The following ZCCHC24 variants were observed in gnomAD, a reference collection of about 807,000 sequenced individuals.
ZCCHC24 encodes the protein zinc finger CCHC domain-containing protein 24.
ZCCHC24 carries 10 observed loss-of-function variants against 26.2 expected under a neutral mutation model. The ratio of observed to expected loss-of-function variants is 0.38; its 90% CI spans 0.24 to 0.65. The LOEUF is 0.65. Ranked by LOEUF, ZCCHC24 falls within the 30% of genes least tolerant of loss-of-function variation. The pLI is 0.54. For synonymous variants in ZCCHC24, 144 were observed against 147.1 expected (o/e 0.98, Z 0.15); for missense variants, 243 against 329.1 (o/e 0.74, Z 2.03).
At chr10:79,400,805 T>C (rs1312495001) in intron 2 of ZCCHC24, among the ~76,000 whole-genome samples, 4 of 152,302 alleles carry the variant, frequency 2.6e-5, no homozygotes, top group South Asian at 2.1e-4. Flanking sequence ...CTCATGTCCA[T>C]AGAGCTAGCC....
At chr10:79,438,899 C>T (rs143545883) in intron 1 of ZCCHC24, among the ~76,000 whole-genome samples, 3 of 152,358 alleles carry the variant, frequency 2.0e-5, no homozygotes, top group Non-Finnish European at 4.4e-5. Flanking sequence ...CTCTGCCCAG[C>T]TAGTGTGTAA....
At chr10:79,444,015 G>A in intron 1 of ZCCHC24, 2 of 1,426,550 alleles carry the variant, frequency 1.4e-6, no homozygotes, top group South Asian at 2.9e-5. Context: ...GCGACCCTCT[G>A]CCTCCCTCTC....
At chr10:79,422,169 G>A (rs890785250) in intron 2 of ZCCHC24, among the ~76,000 whole-genome samples, 3 of 152,320 alleles carry the variant, frequency 2.0e-5, no homozygotes, top group East Asian at 1.9e-4. Flanking sequence ...CTATCCCTAT[G>A]CCACTCAGCT....
At chr10:79,431,676 C>T (rs556761651) in intron 2 of ZCCHC24, among the ~76,000 whole-genome samples, 5 of 152,320 alleles carry the variant, frequency 3.3e-5, no homozygotes, top group South Asian at 2.1e-4. Flanking sequence ...CCCAACCACA[C>T]GTCAGTTTCC....
intron 1 of ZCCHC24, among the ~76,000 whole-genome samples, chr10:79,441,079 AAC>A (rs55762333): frequency 0.041 from 5,558 of 135,276 alleles, 139 homozygotes; most frequent in Middle Eastern, 0.097. Context: ...CTGCCCCCTA[AAC>A]ACACACACAC....
At chr10:79,444,334 G>A (rs1857330239) in intron 1 of ZCCHC24, 1 of 1,310,382 alleles carries the variant, frequency 7.6e-7, no homozygotes, top group South Asian at 1.9e-5. Flanking sequence ...GCTGGGAGGT[G>A]GTGGCGATCT....
At chr10:79,423,505 G>T (rs1856974914) in intron 2 of ZCCHC24, among the ~76,000 whole-genome samples, 1 of 143,280 alleles carries the variant, frequency 7.0e-6, no homozygotes, top group Admixed American at 7.1e-5. Flanking sequence ...GAGCTGAAAT[G>T]GCGCCACTGG....
intron 2 of ZCCHC24, among the ~76,000 whole-genome samples, chr10:79,415,154 G>A (rs1011753559): frequency 3.9e-5 from 6 of 152,124 alleles, no homozygotes; most frequent in African/African-American, 7.2e-5. Flanking sequence ...AGCCCCTCCC[G>A]TCCTCCCATT....
chr10:79,411,043 G>T (rs2132194690), intron 2 of ZCCHC24, among the ~76,000 whole-genome samples: 1 of 152,284 alleles, frequency 6.6e-6, no homozygotes, highest in East Asian at 1.9e-4. Context: ...GGTGATGACG[G>T]TGTCTTGTGC....
intron 2 of ZCCHC24, among the ~76,000 whole-genome samples, chr10:79,398,529 AG>A (rs1343675049): frequency 6.6e-6 from 1 of 151,986 alleles, no homozygotes; most frequent in African/African-American, 2.4e-5. Context: ...TGAGGTCCAC[AG>A]GCATTAGTCC....
chr10:79,442,924 G>A (rs1023891001), intron 1 of ZCCHC24, among the ~76,000 whole-genome samples: 10 of 152,122 alleles, frequency 6.6e-5, no homozygotes, highest in South Asian at 4.1e-4. Flanking sequence ...AGAGCCTTCC[G>A]GAAGTCAGCA....
intron 2 of ZCCHC24, among the ~76,000 whole-genome samples, chr10:79,410,900 G>A (rs1275177541): frequency 6.6e-6 from 1 of 152,126 alleles, no homozygotes; most frequent in Admixed American, 6.5e-5. Flanking sequence ...GGAGAGCAAG[G>A]ACTCAAGAGC....
chr10:79,419,012 G>C (rs1266796627), intron 2 of ZCCHC24, among the ~76,000 whole-genome samples: 1 of 152,200 alleles, frequency 6.6e-6, no homozygotes, highest in African/African-American at 2.4e-5. Flanking sequence ...AAGCCCAAGG[G>C]GTGTGTGCAT....
intron 1 of ZCCHC24, among the ~76,000 whole-genome samples, chr10:79,435,782 T>G (rs1482250258): frequency 2.0e-5 from 3 of 151,832 alleles, no homozygotes; most frequent in Non-Finnish European, 4.4e-5. Flanking sequence ...GTGTGAAGGG[T>G]GGGTGAGGCA....
intron 2 of ZCCHC24, among the ~76,000 whole-genome samples, chr10:79,418,480 G>C (rs1274738991): frequency 6.6e-6 from 1 of 152,214 alleles, no homozygotes; most frequent in African/African-American, 2.4e-5. Context: ...CTTGTGCCAG[G>C]ACCGGCCCTG....
At chr10:79,414,767 T>C (rs1226791114) in intron 2 of ZCCHC24, among the ~76,000 whole-genome samples, 1 of 152,188 alleles carries the variant, frequency 6.6e-6, no homozygotes, top group Non-Finnish European at 1.5e-5. Context: ...AGGCCCACCC[T>C]GGATCTACTG....
chr10:79,409,361 C>A, intron 2 of ZCCHC24: 1 of 152,446 alleles, frequency 6.6e-6, no homozygotes, highest in Non-Finnish European at 1.5e-5. Flanking sequence ...TAGCAGACAT[C>A]TCCCCTGCCC....
In ZCCHC24 at chr10:79,445,451, C is replaced by G. The variant is rs1371831515; in HGVS notation, c.-11G>C. The G allele has an allele frequency of 7.1e-7, 1 of 1,417,362 alleles. No homozygotes were observed. The highest frequency in any genetic ancestry group is 9.3e-7 in the Non-Finnish European group (1 of 1,075,956). The allele number at this position is 1,417,362 out of a possible 1,614,324, so 87.8% of individuals were successfully genotyped here. On this transcript the variant is annotated 5_prime_UTR_variant, in exon 1 of 4. Coordinates refer to ENST00000372336, the MANE Select transcript of ZCCHC24 (RefSeq NM_153367.4). ...CGACAGCAGGCTCATTTTGTGGCGG[C>G]GGTGCCGGCCCCTCCCCGGCCGCCC...
chr10:79,439,994 T>C (rs1857269631), intron 1 of ZCCHC24, among the ~76,000 whole-genome samples: 1 of 152,014 alleles, frequency 6.6e-6, no homozygotes, highest in African/African-American at 2.4e-5. Context: ...GTAGCAGCAA[T>C]AGCAAGTGCA....
Sources: gnomAD v4.1 joint callset for allele counts (sites outside exome capture counted in the v4.1 genomes callset) on GRCh38, gnomAD v4.1.1 for gene constraint, MANE v1.5 for transcripts, NCBI Gene and HGNC (gene_info 2026-07-23, HGNC 2026-07-21) for gene names.